Variants in PLPPR5 observed in about 807,000 individuals in gnomAD.
PLPPR5 encodes phospholipid phosphatase related 5, also known as phospholipid phosphatase-related protein type 5.
Under a neutral mutation model 33.9 loss-of-function variants are expected in PLPPR5, and 16 were observed. The observed-to-expected ratio is 0.47, with a 90% CI of 0.32 to 0.72. The LOEUF (loss-of-function observed/expected upper bound fraction) is 0.72. Among genes scored for constraint, PLPPR5 ranks in the 30% least tolerant of loss-of-function variants. The probability of loss-of-function intolerance (pLI) is 0.03; values close to 1 mark genes in which losing one functional copy is unlikely to be tolerated. For missense variants in PLPPR5, 301 were observed against 406.7 expected (o/e 0.74, Z 2.23); for synonymous variants, 163 against 150.3 (o/e 1.08, Z -0.62).
intron 1 of PLPPR5, among the ~76,000 whole-genome samples, chr1:99,001,683 T>TATATAGATATATATATATATATATAG (rs1557699503): frequency 2.8e-5 from 4 of 142,370 alleles, no homozygotes; most frequent in African/African-American, 7.7e-5. Flanking sequence ...TATATATATA[T>TATATAGATATATATATATATATATAG]ATATATATAT....
intron 1 of PLPPR5, among the ~76,000 whole-genome samples, chr1:98,992,218 C>T (rs1652475357): frequency 6.6e-6 from 1 of 152,122 alleles, no homozygotes; most frequent in Non-Finnish European, 1.5e-5. Context: ...CATAGAACTA[C>T]TTTCTCAAGT....
chr1:98,932,298 TATGAC>T (rs1356761346), intron 3 of PLPPR5, among the ~76,000 whole-genome samples: 12 of 152,200 alleles, frequency 7.9e-5, no homozygotes, highest in African/African-American at 2.7e-4. Flanking sequence ...AAACTCTGTG[TATGAC>T]ATGATTTCCA....
chr1:98,969,494 C>T (rs530440989), intron 1 of PLPPR5, among the ~76,000 whole-genome samples: 28 of 152,112 alleles, frequency 1.8e-4, no homozygotes, highest in African/African-American at 6.5e-4. Context: ...GAGATTTATG[C>T]GCAGCAGAAG....
At chr1:98,985,659 C>T (rs1652230146) in intron 1 of PLPPR5, among the ~76,000 whole-genome samples, 1 of 151,882 alleles carries the variant, frequency 6.6e-6, no homozygotes, top group Non-Finnish European at 1.5e-5. Context: ...ATCTATTATA[C>T]CATATTTTTA....
intron 5 of PLPPR5, among the ~76,000 whole-genome samples, chr1:98,910,714 A>C (rs1227027061): frequency 3.3e-5 from 5 of 152,168 alleles, no homozygotes; most frequent in Non-Finnish European, 1.5e-5. Context: ...GCCATCCCAC[A>C]GCAGGTGCAC....
intron 1 of PLPPR5, among the ~76,000 whole-genome samples, chr1:98,974,012 G>A (rs1008522766): frequency 2.3e-4 from 35 of 152,010 alleles, no homozygotes; most frequent in Admixed American, 2.0e-3. Context: ...AATCCTTTCC[G>A]GGTAGTGAAC....
chr1:98,922,641 G>A (rs1048218701), intron 3 of PLPPR5, among the ~76,000 whole-genome samples: 3 of 152,184 alleles, frequency 2.0e-5, no homozygotes, highest in Admixed American at 6.5e-5. Flanking sequence ...AAATGAAATT[G>A]TGAAATTACT....
chr1:98,914,606 T>G (rs1158990173), intron 5 of PLPPR5, among the ~76,000 whole-genome samples, 180 bp downstream of exon 5: 1 of 152,154 alleles, frequency 6.6e-6, no homozygotes, highest in Admixed American at 6.5e-5. Flanking sequence ...TACAAACAGA[T>G]TTTTTAAATG....
chr1:98,925,349 C>T (rs1649713658), intron 3 of PLPPR5, among the ~76,000 whole-genome samples: 1 of 152,074 alleles, frequency 6.6e-6, no homozygotes, highest in Non-Finnish European at 1.5e-5. Flanking sequence ...TCTCGCAGGC[C>T]AATCCATTTA....
intron 1 of PLPPR5, among the ~76,000 whole-genome samples, chr1:98,964,139 T>C (rs1369612526): frequency 2.0e-5 from 3 of 152,136 alleles, no homozygotes; most frequent in Non-Finnish European, 4.4e-5. Context: ...GTGGAAAATA[T>C]GAGATTTCCA....
chr1:99,004,995 G>T (rs916651290), upstream of PLPPR5: 4 of 155,038 alleles, frequency 2.6e-5, no homozygotes, highest in East Asian at 3.8e-4. Context: ...CGGCCGCTGC[G>T]CCCCTGCACG....
At chr1:99,003,675 C>T (rs1175608389) in intron 1 of PLPPR5, among the ~76,000 whole-genome samples, 1 of 152,124 alleles carries the variant, frequency 6.6e-6, no homozygotes, top group Non-Finnish European at 1.5e-5. Flanking sequence ...TCTGTATAGT[C>T]ATTCTTTCTC....
At chr1:98,925,646 C>A (rs1333556672) in intron 3 of PLPPR5, among the ~76,000 whole-genome samples, 1 of 151,896 alleles carries the variant, frequency 6.6e-6, no homozygotes, top group African/African-American at 2.4e-5. Context: ...TGAGAAAACA[C>A]TGAACTATTA....
intron 5 of PLPPR5, among the ~76,000 whole-genome samples, chr1:98,894,071 T>A (rs1025591820): frequency 6.6e-6 from 1 of 152,030 alleles, no homozygotes; most frequent in Non-Finnish European, 1.5e-5. Flanking sequence ...TTTCATTGAA[T>A]TTAGGCATAT....
chr1:99,005,259 G>A (rs1311520246), upstream of PLPPR5, among the ~76,000 whole-genome samples: 3 of 152,148 alleles, frequency 2.0e-5, no homozygotes, highest in African/African-American at 4.8e-5. Context: ...CAACGCCTGG[G>A]AAAATGGTGC....
At chr1:98,941,240 A>G (rs1240600672) in intron 3 of PLPPR5, among the ~76,000 whole-genome samples, 1 of 151,994 alleles carries the variant, frequency 6.6e-6, no homozygotes, top group African/African-American at 2.4e-5. Context: ...TTTGAAGAAT[A>G]TAATGTTTCC....
rs558586819 is a variant in PLPPR5 at position 98,927,626 on chromosome 1, C to G, written c.622-5568G>C. Among the ~76,000 whole-genome samples the G allele has an allele frequency of 3.3e-5, 5 of 152,336 alleles. No homozygotes were observed. The East Asian group carries it at 5.8e-4, about 18-fold the overall frequency. ...TGCAGGTGTACTAAGAGAAATTGTT[C>G]TCCCAGTTTCAAGCCAGAAATGAAG... On this transcript the variant is annotated intron_variant, in intron 3 of 5. Coordinates refer to ENST00000263177, the MANE Select transcript of PLPPR5 (RefSeq NM_001037317.2).
intron 3 of PLPPR5, among the ~76,000 whole-genome samples, chr1:98,925,342 C>T (rs562493810): frequency 9.2e-5 from 14 of 152,208 alleles, no homozygotes; most frequent in East Asian, 5.8e-4. Context: ...CTCACTATCT[C>T]GCAGGCCAAT....
chr1:98,919,680 T>G (rs1319487637), intron 4 of PLPPR5, among the ~76,000 whole-genome samples: 1 of 152,168 alleles, frequency 6.6e-6, no homozygotes. Flanking sequence ...AGGGCCAATT[T>G]GCACCATCCT....
Sources: gnomAD v4.1 joint callset for allele counts (sites outside exome capture counted in the v4.1 genomes callset) on GRCh38, gnomAD v4.1.1 for gene constraint, MANE v1.5 for transcripts, NCBI Gene and HGNC (gene_info 2026-07-23, HGNC 2026-07-21) for gene names.